Variants in SH3RF1 observed in about 807,000 individuals in gnomAD.
SH3RF1 encodes the protein E3 ubiquitin-protein ligase SH3RF1.
SH3RF1 carries 32 observed loss-of-function variants against 74.0 expected under a neutral mutation model. The observed-to-expected ratio is 0.43, with a 90% CI of 0.33 to 0.58. The LOEUF is 0.58. Ranked by LOEUF, SH3RF1 falls within the 20% of genes least tolerant of loss-of-function variation. The pLI, the probability that SH3RF1 is intolerant of heterozygous loss-of-function variation, is 0.05. For synonymous variants in SH3RF1, 396 were observed against 439.6 expected, an observed-to-expected ratio of 0.90 and a Z score of 1.24; for missense variants, 954 against 1,130.9, an observed-to-expected ratio of 0.84 and a Z score of 2.24.
chr4:169,110,051 G>C (rs1404242331), intron 10 of SH3RF1, among the ~76,000 whole-genome samples: 1 of 147,730 alleles, frequency 6.8e-6, no homozygotes, highest in Non-Finnish European at 1.5e-5. Context: ...CCACCTGGGA[G>C]GAGGAAGAAA....
At chr4:169,165,637 C>CGGG (rs33952582) in intron 2 of SH3RF1, among the ~76,000 whole-genome samples, 181 of 147,032 alleles carry the variant, frequency 1.2e-3, no homozygotes, top group African/African-American at 4.4e-3. Context: ...GAAAAAAAGG[C>CGGG]GGGGGGGGGA....
intron 2 of SH3RF1, among the ~76,000 whole-genome samples, chr4:169,233,157 G>A (rs1345947481): frequency 6.6e-6 from 1 of 151,432 alleles, no homozygotes; most frequent in African/African-American, 2.4e-5. Flanking sequence ...GCTGAGGGAG[G>A]GGAATCACTT....
intron 2 of SH3RF1, among the ~76,000 whole-genome samples, chr4:169,187,148 T>C (rs1734619344): frequency 6.6e-6 from 1 of 152,234 alleles, no homozygotes; most frequent in Non-Finnish European, 1.5e-5. Context: ...TAGTTTCTGG[T>C]TAAAAGATTT....
At position 169,174,759 on chromosome 4, in the gene SH3RF1, C is replaced by A. The variant is rs555463796; in HGVS notation, c.394-18080G>T. On this transcript the variant is annotated intron_variant, in intron 2 of 11. Transcript: ENST00000284637. ...TTTAAAGTTTTCTAAAGCCCCACCC[C>A]AAACCAATTAAATAAAAATCTCTGG... Among the ~76,000 whole-genome samples, 5 of 152,188 alleles carry A rather than the reference C, an allele frequency of 3.3e-5. No individual in the cohort carries two copies. In the South Asian group the frequency reaches 1.0e-3, roughly 32 times the overall value.
At chr4:169,133,320 C>T (rs1733647446) in intron 5 of SH3RF1, among the ~76,000 whole-genome samples, 1 of 152,064 alleles carries the variant, frequency 6.6e-6, no homozygotes, top group African/African-American at 2.4e-5. Flanking sequence ...TAAAAAACTA[C>T]AAAAATTAGA....
intron 11 of SH3RF1, among the ~76,000 whole-genome samples, chr4:169,099,050 T>C (rs1249472907): frequency 2.0e-5 from 3 of 152,104 alleles, no homozygotes; most frequent in Non-Finnish European, 1.5e-5. Context: ...GAAAATGAGA[T>C]TTGACAAACT....
intron 2 of SH3RF1, among the ~76,000 whole-genome samples, chr4:169,181,257 CTTT>C (rs397878328): frequency 9.7e-6 from 1 of 103,382 alleles, no homozygotes; most frequent in Admixed American, 1.1e-4. Context: ...TTGGGAAAGC[CTTT>C]TTTTTTTTTT....
intron 11 of SH3RF1, among the ~76,000 whole-genome samples, chr4:169,105,228 G>C (rs1166774861): frequency 6.6e-6 from 1 of 152,098 alleles, no homozygotes; most frequent in Non-Finnish European, 1.5e-5. Context: ...AGGAAATGAA[G>C]CTTACAGAAA....
chr4:169,168,172 T>C (rs1386251038), intron 2 of SH3RF1, among the ~76,000 whole-genome samples: 1 of 151,728 alleles, frequency 6.6e-6, no homozygotes, highest in East Asian at 1.9e-4. Flanking sequence ...AGTATCACAA[T>C]GAGTAACAAG....
At chr4:169,254,471 T>C (rs1731151992) in intron 2 of SH3RF1, among the ~76,000 whole-genome samples, 1 of 152,144 alleles carries the variant, frequency 6.6e-6, no homozygotes, top group Non-Finnish European at 1.5e-5. Context: ...ATTAAAGCAA[T>C]TGCATTTTGG....
rs1733702262 is a variant in SH3RF1, at chr4:169,136,455, C to T, written c.931G>A (p.Ala311Thr). 1.2e-6 allele frequency: 2 copies of T among 1,612,276 alleles called. No individual in the cohort carries two copies. The highest frequency in any genetic ancestry group is 2.7e-5 in the African/African-American group (2 of 74,700). ...KRHSFTSLTM[A>T]NKSSQASQNR... is the part of the protein sequence containing the mutation. ...TGGGATGCCTGGGAGGACTTGTTGG[C>T]CATAGTGAGGGAAGTGAAGGAGTGC... is the stretch of plus-strand genomic sequence containing the variant. Residue 311 changes from alanine (A) to threonine (T), a missense_variant, in exon 5 of 12, where the codon GCC becomes ACC. Coordinates refer to ENST00000284637, the MANE Select transcript of SH3RF1 (RefSeq NM_020870.4).
intron 2 of SH3RF1, among the ~76,000 whole-genome samples, chr4:169,266,413 ACCTAAGGGAAGCGT>A (rs1234448245): frequency 6.6e-6 from 1 of 152,088 alleles, no homozygotes; most frequent in African/African-American, 2.4e-5. Context: ...ACAGTCACTC[ACCTAAGGGAAGCGT>A]CCAAAGAAGT....
chr4:169,208,032 C>A (rs565036569), intron 2 of SH3RF1, among the ~76,000 whole-genome samples: 8 of 152,258 alleles, frequency 5.3e-5, no homozygotes, highest in Admixed American at 5.2e-4. Flanking sequence ...TCTACTTTGC[C>A]AGGCTTCCAC....
intron 4 of SH3RF1, among the ~76,000 whole-genome samples, chr4:169,150,639 T>TAA (rs1733961384): frequency 2.0e-5 from 3 of 151,970 alleles, no homozygotes; most frequent in Admixed American, 6.6e-5. Flanking sequence ...CCCAGGGGGG[T>TAA]CTTCTCTACA....
At chr4:169,160,361 A>G (rs1197525934) in intron 2 of SH3RF1, among the ~76,000 whole-genome samples, 1 of 152,226 alleles carries the variant, frequency 6.6e-6, no homozygotes, top group Non-Finnish European at 1.5e-5. Context: ...CTTTTCCACA[A>G]AACAAATCTA....
At chr4:169,265,680 C>T (rs904149850) in intron 2 of SH3RF1, among the ~76,000 whole-genome samples, 1 of 152,066 alleles carries the variant, frequency 6.6e-6, no homozygotes, top group African/African-American at 2.4e-5. Flanking sequence ...ACCATGTTGA[C>T]CATGGTGGTC....
At chr4:169,122,988 C>G (rs952931771) in intron 6 of SH3RF1, among the ~76,000 whole-genome samples, 1 of 152,156 alleles carries the variant, frequency 6.6e-6, no homozygotes, top group African/African-American at 2.4e-5. Context: ...ACCTTCTGAT[C>G]TATAAACCCA....
chr4:169,183,906 T>C (rs897205983), intron 2 of SH3RF1, among the ~76,000 whole-genome samples: 4 of 152,120 alleles, frequency 2.6e-5, no homozygotes, highest in African/African-American at 9.7e-5. Context: ...AATCATGAAG[T>C]TTATGAGACT....
At position 169,173,023 on chromosome 4, in the gene SH3RF1, T is replaced by C. The variant is rs1161678277; in HGVS notation, c.394-16344A>G. Among the ~76,000 whole-genome samples, 5 of 152,336 alleles carry C rather than the reference T, an allele frequency of 3.3e-5. No individual in the cohort carries two copies. The East Asian group carries it at 9.6e-4, about 29-fold the overall frequency. Reference sequence around the variant, plus strand: ...AAAAGTGTGTGAAATTCTAATACACTTGCTATAAATAGAGTATCTTGTTTA... The same window carrying C: ...AAAAGTGTGTGAAATTCTAATACACCTGCTATAAATAGAGTATCTTGTTTA... On this transcript the variant is annotated intron_variant, in intron 2 of 11. Transcript: ENST00000284637.
Sources: gnomAD v4.1 joint callset for allele counts (sites outside exome capture counted in the v4.1 genomes callset) on GRCh38, gnomAD v4.1.1 for gene constraint, MANE v1.5 for transcripts, NCBI Gene and HGNC (gene_info 2026-07-23, HGNC 2026-07-21) for gene names.